Variants in KCTD15 observed in about 807,000 individuals in gnomAD.
KCTD15 encodes the protein potassium channel tetramerization domain containing 15, also known as BTB/POZ domain-containing protein KCTD15.
KCTD15 carries 11 observed loss-of-function variants against 27.2 expected under a neutral mutation model. The ratio of observed to expected loss-of-function variants is 0.41; its 90% CI spans 0.25 to 0.67. KCTD15 has a LOEUF of 0.67. Among genes scored for constraint, KCTD15 ranks in the 30% least tolerant of loss-of-function variants. The probability of loss-of-function intolerance (pLI) is 0.35; values close to 1 mark genes in which losing one functional copy is unlikely to be tolerated. For synonymous variants in KCTD15, 163 were observed against 176.0 expected (o/e 0.93, Z 0.58); for missense variants, 350 against 409.3 (o/e 0.86, Z 1.25).
At chr19:33,800,574 TC>T in intron 3 of KCTD15, 54 bp downstream of exon 3, 1 of 1,487,032 alleles carries the variant, frequency 6.7e-7, no homozygotes, top group Non-Finnish European at 9.2e-7. Flanking sequence ...TTTCCCTTCT[TC>T]CCCAGTGCCT....
At position 33,812,916 on chromosome 19, in the gene KCTD15, G is replaced by A. The variant is rs948676967; in HGVS notation, c.820G>A (p.Ala274Thr). The change falls in exon 7 of 7, where the codon GCT becomes ACT. Residue 274 changes from alanine to threonine, a missense_variant. By Grantham distance (58) the Ala-to-Thr change is moderately conservative. Around this residue, in one of 3 missense-constraint regions of KCTD15, gnomAD observed 219 missense variants for 234.9 expected, o/e 0.93. Coordinates refer to ENST00000683859, the MANE Select transcript of KCTD15 (RefSeq NM_001129994.2). ...EERRPQPTPT[A>T]VRIKQEPLD ...GCGGCGGCCGCAGCCCACCCCCACT[G>A]CTGTTCGAATCAAGCAGGAACCCCT... 15 of 1,549,390 alleles carry A rather than the reference G, an allele frequency of 9.7e-6. No individual in the cohort carries two copies. Among genetic ancestry groups the A allele is most frequent in the Middle Eastern group, 1.7e-4 (1 of 6,004 alleles).
chr19:33,815,233 T>C lies in KCTD15; in HGVS notation c.*2285T>C, dbSNP rs944648738. On this transcript the variant is annotated 3_prime_UTR_variant, in exon 7 of 7. Coordinates refer to ENST00000683859, the MANE Select transcript of KCTD15 (RefSeq NM_001129994.2). ...GGAAAAAGGAGTAACTCTACCTGAC[T>C]AAATGTTACTCTAATTTATTTATTT... 6 of 152,264 alleles carry C rather than the reference T, an allele frequency of 3.9e-5. No individual in the cohort carries two copies. In the East Asian group the frequency reaches 1.2e-3, roughly 29 times the overall value. The allele number at this position is 152,264 out of a possible 1,614,324, so 9.4% of individuals were successfully genotyped here. A position where few individuals can be genotyped will look rare whatever the true frequency, so the allele number is the denominator to read the frequency against.
chr19:33,807,984 C>T (rs969744773), intron 5 of KCTD15, among the ~76,000 whole-genome samples: 6 of 151,908 alleles, frequency 3.9e-5, no homozygotes, highest in Admixed American at 1.3e-4. Flanking sequence ...GGGCAATTTG[C>T]AGGGAGAAAA....
intron 5 of KCTD15, 135 bp downstream of exon 5, chr19:33,807,142 C>A: frequency 9.1e-7 from 1 of 1,095,474 alleles, no homozygotes; most frequent in Non-Finnish European, 1.3e-6. Context: ...AGGGCTAAAT[C>A]AGTTTTTCTA....
At position 33,801,358 on chromosome 19, in the gene KCTD15, T is replaced by C; in HGVS notation, c.242+16T>C. The C allele has an allele frequency of 6.3e-7, 1 of 1,594,734 alleles. No individual in the cohort carries two copies. Among genetic ancestry groups the C allele is most frequent in the East Asian group, 2.3e-5 (1 of 44,138 alleles). ...CTGACTCCAGGTAAGAGTAAGCCCC[T>C]TGAAACATCAGGCATGTGTGGGTCA... On this transcript the variant is annotated intron_variant, in intron 4 of 6. Transcript: ENST00000683859.
upstream of KCTD15, chr19:33,795,938 A>T (rs1975305961): frequency 6.6e-6 from 1 of 151,886 alleles, no homozygotes; most frequent in South Asian, 2.1e-4. Context: ...GCAGCGGGGC[A>T]GAGACCCTGG....
chr19:33,808,389 G>T (rs950223940), intron 5 of KCTD15, among the ~76,000 whole-genome samples: 1 of 152,202 alleles, frequency 6.6e-6, no homozygotes, highest in Non-Finnish European at 1.5e-5. Flanking sequence ...GACCTGGGCT[G>T]GGCGGGTTTG....
At chr19:33,804,912 C>T (rs1975666301) in intron 4 of KCTD15, among the ~76,000 whole-genome samples, 1 of 152,192 alleles carries the variant, frequency 6.6e-6, no homozygotes, top group Admixed American at 6.5e-5. Context: ...TGCCCATCCA[C>T]GAGACAGCCT....
chr19:33,802,593 C>CT (rs1202786128), intron 4 of KCTD15, among the ~76,000 whole-genome samples: 1 of 152,136 alleles, frequency 6.6e-6, no homozygotes, highest in Non-Finnish European at 1.5e-5. Context: ...GAGACTCAGC[C>CT]TGGGGCCCTG....
chr19:33,797,545 G>A (rs1975378745), intron 1 of KCTD15: 5 of 351,386 alleles, frequency 1.4e-5, no homozygotes, highest in Non-Finnish European at 2.9e-5. Flanking sequence ...GGCGCGCAGG[G>A]TTTGGGGCTG....
In KCTD15 at chr19:33,815,678, CAA is replaced by C. The variant is rs1976071015; in HGVS notation, c.*2735_*2736del. 1 of 117,976 alleles carries C rather than the reference CAA, an allele frequency of 8.5e-6. No individual in the cohort carries two copies. The highest frequency in any genetic ancestry group is 3.4e-5 in the African/African-American group (1 of 29,132). 7.3% of individuals were successfully genotyped at this position (117,976 alleles called of 1,614,324 possible). A position where few individuals can be genotyped will look rare whatever the true frequency, so the allele number is the denominator to read the frequency against. ...AGGTCACAACACTAAGAATATCTTT[CAA>C]AAAATGTGTCTTTTTTTTTTTTTTT... On this transcript the variant is annotated 3_prime_UTR_variant, in exon 7 of 7. Coordinates refer to ENST00000683859, the MANE Select transcript of KCTD15 (RefSeq NM_001129994.2).
chr19:33,810,970 C>T (rs1975881470), intron 5 of KCTD15, among the ~76,000 whole-genome samples: 1 of 152,076 alleles, frequency 6.6e-6, no homozygotes, highest in Non-Finnish European at 1.5e-5. Flanking sequence ...GGGGAGGCTT[C>T]ACTGCCCAGT....
upstream of KCTD15, chr19:33,796,022 A>G (rs1353397610): frequency 1.3e-5 from 2 of 151,976 alleles, 1 homozygote. Flanking sequence ...CTGGCAGCCC[A>G]GTTTCTTCCC....
Position 33,813,524 on chromosome 19 carries a change from T to G in KCTD15, c.*576T>G, listed in dbSNP as rs756573806. The G allele has an allele frequency of 2.5e-6, 1 of 403,678 alleles. No homozygotes were observed. Among genetic ancestry groups the G allele is most frequent in the Non-Finnish European group, 4.9e-6 (1 of 203,444 alleles). 25.0% of individuals were successfully genotyped at this position (403,678 alleles called of 1,614,324 possible). On this transcript the variant is annotated 3_prime_UTR_variant, in exon 7 of 7. Transcript: ENST00000683859. ...GCCCAGATGCCTGCAGGGCTGGGGC[T>G]CTCGGGACAGATGCAGGGATGTGTG...
intron 6 of KCTD15, chr19:33,812,507 TC>T: frequency 1.6e-6 from 2 of 1,224,252 alleles, no homozygotes; most frequent in South Asian, 7.8e-5. Context: ...TCTTTTTGCC[TC>T]CCGGAATCAA....
At chr19:33,812,135 G>A (rs888309723) in intron 6 of KCTD15, 2 of 1,250,348 alleles carry the variant, frequency 1.6e-6, no homozygotes, top group South Asian at 5.1e-5. Flanking sequence ...AGGGCCCCCT[G>A]TGCACGCATT....
At position 33,806,761 on chromosome 19, in the gene KCTD15, C is replaced by T; in HGVS notation, c.243-102C>T. The stretch of plus-strand genomic sequence containing the variant: ...GAGTCACCCATGTCAGGTCCCTCGC[C>T]CCTCCAGCCGTGTGGGCCCTCAGGA... On this transcript the variant is annotated intron_variant, in intron 4 of 6. Coordinates refer to ENST00000683859, the MANE Select transcript of KCTD15 (RefSeq NM_001129994.2). 4 of 1,368,392 alleles carry T rather than the reference C, an allele frequency of 2.9e-6. No homozygotes were observed. In the South Asian group the frequency reaches 3.9e-5, roughly 13 times the overall value. The allele number at this position is 1,368,392 out of a possible 1,614,324, so 84.8% of individuals were successfully genotyped here.
chr19:33,813,871 T>C lies in KCTD15; in HGVS notation c.*923T>C, dbSNP rs1460826802. 6.3e-6 allele frequency: 1 copy of C among 157,700 alleles called. No homozygotes were observed. The highest frequency in any genetic ancestry group is 6.4e-5 in the Admixed American group (1 of 15,740). 9.8% of individuals were successfully genotyped at this position (157,700 alleles called of 1,614,324 possible). A position where few individuals can be genotyped will look rare whatever the true frequency, so the allele number is the denominator to read the frequency against. On this transcript the variant is annotated 3_prime_UTR_variant, in exon 7 of 7. Transcript: ENST00000683859. ...CAGCTCCAGTTTTCTCATGCGAATA[T>C]GCACAGTTTTAATTCACGTTGTTAC...
intron 6 of KCTD15, chr19:33,812,094 G>A (rs1351446296): frequency 3.8e-6 from 5 of 1,323,372 alleles, no homozygotes; most frequent in Non-Finnish European, 3.8e-6. Context: ...GCACATTTCC[G>A]GGTTAGGGTG....
Sources: allele counts gnomAD v4.1 joint callset (sites outside exome capture counted in the v4.1 genomes callset), GRCh38; gene constraint gnomAD v4.1.1; regional missense constraint gnomAD v4.1.1; transcripts MANE v1.5; gene names NCBI Gene and HGNC (gene_info 2026-07-23, HGNC 2026-07-21).